The following PCDHA9 variants were observed in gnomAD, a reference collection of about 807,000 sequenced individuals.
The protein encoded by PCDHA9 is protocadherin alpha 9.
Under a neutral mutation model 62.0 loss-of-function variants are expected in PCDHA9, and 62 were observed. The observed-to-expected ratio is 1.00, with a 90% CI of 0.81 to 1.23. The LOEUF (loss-of-function observed/expected upper bound fraction) is 1.23. Among genes scored for constraint, PCDHA9 ranks in the 50% most tolerant of loss-of-function variants. PCDHA9 has a pLI of 0.00. For missense variants in PCDHA9, 1,205 were observed against 1,249.8 expected (o/e 0.96, Z 0.54); for synonymous variants, 557 against 567.6 (o/e 0.98, Z 0.27).
At chr5:140,861,509 G>T in intron 1 of PCDHA9, 1 of 479,910 alleles carries the variant, frequency 2.1e-6, no homozygotes, top group Non-Finnish European at 4.3e-6. Context: ...ACCTCGAGGA[G>T]CTGTGTGGGA....
intron 1 of PCDHA9, among the ~76,000 whole-genome samples, chr5:140,932,398 T>C (rs1163806647): frequency 6.6e-6 from 1 of 151,960 alleles, no homozygotes; most frequent in Non-Finnish European, 1.5e-5. Flanking sequence ...AGTTTCAACA[T>C]ACCAATGTTA....
intron 1 of PCDHA9, chr5:140,967,972 G>C: frequency 1.2e-6 from 2 of 1,614,190 alleles, no homozygotes; most frequent in Non-Finnish European, 1.7e-6. Flanking sequence ...AAGTGAGCCT[G>C]GGTCTGGAGG....
intron 1 of PCDHA9, among the ~76,000 whole-genome samples, chr5:140,951,417 C>G (rs1259525145): frequency 6.6e-6 from 1 of 152,044 alleles, no homozygotes; most frequent in Non-Finnish European, 1.5e-5. Context: ...AATTGGCTCA[C>G]AGTTCCACAG....
At position 140,849,747 on chromosome 5, in the gene PCDHA9, G is replaced by C. The variant is rs2150448012; in HGVS notation, c.1252G>C (p.Val418Leu). 3.1e-6 allele frequency: 5 copies of C among 1,598,444 alleles called. No individual in the cohort carries two copies. Among genetic ancestry groups the C allele is most frequent in the Non-Finnish European group, 4.3e-6 (5 of 1,168,002 alleles). The change falls in exon 1 of 4, where the codon GTG becomes CTG. Residue 418 changes from valine to leucine, a missense_variant. Transcript: ENST00000532602. ...GGACAGAGCTCTGGACCGCGAGAGT[G>C]TGTCCGCCTACGAGCTGGTGGTTAC... Reference protein sequence around the residue: ...VLDRALDRESVSAYELVVTAR... With the variant: ...VLDRALDRESLSAYELVVTAR...
intron 1 of PCDHA9, among the ~76,000 whole-genome samples, chr5:140,941,214 CCTTT>C (rs60032403): frequency 6.5e-5 from 8 of 122,492 alleles, no homozygotes; most frequent in Non-Finnish European, 1.2e-4. Context: ...TTTCTTTCTT[CCTTT>C]CTTTCTTTCT....
Position 140,967,117 on chromosome 5 carries a change from C to T in PCDHA9, c.2395-11832C>T, listed in dbSNP as rs370329233. 7.4e-6 allele frequency: 12 copies of T among 1,612,904 alleles called. No individual in the cohort carries two copies. The East Asian group carries it at 1.6e-4, about 21-fold the overall frequency. On this transcript the variant is annotated intron_variant, in intron 1 of 3. Coordinates refer to ENST00000532602, the MANE Select transcript of PCDHA9 (RefSeq NM_031857.2). ...CGCTGTGTGAGCAGCGGCCTCGCTG[C>T]CTGCTCAGCTTGGAAGTGCTGGCGC...
chr5:140,950,668 T>C (rs185130303), intron 1 of PCDHA9, among the ~76,000 whole-genome samples: 5 of 152,238 alleles, frequency 3.3e-5, no homozygotes, highest in African/African-American at 9.6e-5. Flanking sequence ...TTATCAAACA[T>C]GTACATGTAT....
intron 1 of PCDHA9, chr5:140,877,134 C>G (rs1339173132): frequency 3.1e-6 from 5 of 1,613,594 alleles, no homozygotes; most frequent in African/African-American, 2.7e-5. Flanking sequence ...TGCAGGTGTT[C>G]GTGCTGGACG....
chr5:140,985,128 G>C (rs908196925), intron 3 of PCDHA9, among the ~76,000 whole-genome samples: 1 of 152,056 alleles, frequency 6.6e-6, no homozygotes, highest in African/African-American at 2.4e-5. Context: ...TAGTAAAGAC[G>C]GGGTTTCACC....
chr5:140,982,357 A>G, intron 2 of PCDHA9, 118 bp from the exon 3 acceptor site: 1 of 1,520,660 alleles, frequency 6.6e-7, no homozygotes. Flanking sequence ...TTCAAGCATG[A>G]GCAGAATGTG....
At chr5:140,872,957 C>T (rs2054004795) in intron 1 of PCDHA9, among the ~76,000 whole-genome samples, 1 of 152,138 alleles carries the variant, frequency 6.6e-6, no homozygotes, top group African/African-American at 2.4e-5. Flanking sequence ...CACGTAGTAT[C>T]ATCCCATCTG....
chr5:140,982,461 G>C lies in PCDHA9; in HGVS notation c.2454-14G>C, dbSNP rs765899879. Reference sequence around the variant, plus strand: ...TATGATCTAACCGTTATCTGGGTCTGTGTGTTTATTCAGCTCTGTGCACCT... The same window carrying C: ...TATGATCTAACCGTTATCTGGGTCTCTGTGTTTATTCAGCTCTGTGCACCT... On this transcript the variant is annotated splice_polypyrimidine_tract_variant and intron_variant, in intron 2 of 3. Coordinates refer to ENST00000532602, the MANE Select transcript of PCDHA9 (RefSeq NM_031857.2). 4.3e-6 allele frequency: 7 copies of C among 1,613,970 alleles called. No homozygotes were observed. The Admixed American group carries it at 6.7e-5, about 15-fold the overall frequency.
chr5:140,993,528 A>G (rs78672098), intron 3 of PCDHA9, among the ~76,000 whole-genome samples: 1 of 151,976 alleles, frequency 6.6e-6, no homozygotes, highest in Admixed American at 6.6e-5. Context: ...AGAGACAGAG[A>G]GAGAGAGAGA....
At chr5:140,918,562 A>G (rs536690328) in intron 1 of PCDHA9, among the ~76,000 whole-genome samples, 17 of 152,330 alleles carry the variant, frequency 1.1e-4, no homozygotes, top group African/African-American at 3.4e-4. Context: ...AGAAGAATGT[A>G]TATTATGCTG....
At chr5:140,860,219 A>C (rs2046275185) in intron 1 of PCDHA9, 1 of 151,166 alleles carries the variant, frequency 6.6e-6, no homozygotes, top group South Asian at 2.1e-4. Flanking sequence ...GTACTTATGT[A>C]TATATAAGCC....
intron 1 of PCDHA9, among the ~76,000 whole-genome samples, chr5:140,922,707 A>T (rs1282909188): frequency 4.6e-5 from 7 of 152,240 alleles, no homozygotes; most frequent in African/African-American, 1.4e-4. Context: ...TACAGTCAAG[A>T]ACAAAAAGAA....
intron 1 of PCDHA9, among the ~76,000 whole-genome samples, chr5:140,855,001 A>G (rs1315198457): frequency 1.3e-4 from 20 of 149,948 alleles, no homozygotes; most frequent in Admixed American, 1.2e-3. Context: ...CCCGTGTAAG[A>G]TATTATAAAA....
rs2150472537 is a variant in PCDHA9, at chr5:140,850,195, C to T, written c.1700C>T (p.Thr567Ile). 8.8e-6 allele frequency: 14 copies of T among 1,593,610 alleles called. 2 individuals are homozygous for T. In the South Asian group the frequency reaches 1.5e-4, roughly 18 times the overall value. ...DENDNAPALLTPRMRGTDGAV... is the reference protein window; with the variant it reads ...DENDNAPALLIPRMRGTDGAV... The stretch of plus-strand genomic sequence containing the variant: ...AACGACAATGCGCCGGCGCTGCTGA[C>T]ACCTCGGATGAGGGGCACTGACGGC... The change falls in exon 1 of 4, where the codon ACA (threonine) becomes ATA (isoleucine). Residue 567 changes from threonine to isoleucine, a missense_variant. Around this residue, in one of 3 missense-constraint regions of PCDHA9, gnomAD observed 887 missense variants for 809.5 expected, o/e 1.10. Transcript: ENST00000532602.
At chr5:140,968,639 GC>G in intron 1 of PCDHA9, 1 of 1,614,150 alleles carries the variant, frequency 6.2e-7, no homozygotes, top group Non-Finnish European at 8.5e-7. Context: ...TTACCATCTA[GC>G]CCAGACTTCT....
Sources: allele counts gnomAD v4.1 joint callset (sites outside exome capture counted in the v4.1 genomes callset), GRCh38; gene constraint gnomAD v4.1.1; regional missense constraint gnomAD v4.1.1; transcripts MANE v1.5; gene names NCBI Gene and HGNC (gene_info 2026-07-23, HGNC 2026-07-21).